THSD4: variants seen among roughly 807,000 people sequenced by gnomAD.
THSD4 encodes thrombospondin type 1 domain containing 4.
A neutral mutation model predicts 119.0 loss-of-function variants in THSD4; 69 were observed. The ratio of observed to expected loss-of-function variants is 0.58; its 90% CI spans 0.48 to 0.71. THSD4 has a LOEUF of 0.71. Ranked by LOEUF, THSD4 falls within the 30% of genes least tolerant of loss-of-function variation. The pLI is 0.00. For synonymous variants in THSD4, 524 were observed against 540.4 expected, an observed-to-expected ratio of 0.97 and a Z score of 0.42; for missense variants, 1,393 against 1,391.1, an observed-to-expected ratio of 1.00 and a Z score of -0.02.
At chr15:71,581,903 T>A (rs1167000242) in intron 7 of THSD4, among the ~76,000 whole-genome samples, 1 of 152,200 alleles carries the variant, frequency 6.6e-6, no homozygotes, top group East Asian at 1.9e-4. Flanking sequence ...CCATACTGTT[T>A]TGATTACTGT....
chr15:71,357,877 C>T (rs1206794606), intron 6 of THSD4, among the ~76,000 whole-genome samples: 1 of 152,174 alleles, frequency 6.6e-6, no homozygotes, highest in Admixed American at 6.5e-5. Flanking sequence ...CTACCAACTG[C>T]CTTACTTATT....
intron 7 of THSD4, among the ~76,000 whole-genome samples, chr15:71,493,908 G>T (rs1266831860): frequency 6.6e-6 from 1 of 152,206 alleles, no homozygotes; most frequent in East Asian, 1.9e-4. Flanking sequence ...ATCAGAGGTT[G>T]CGCTGCATGT....
chr15:71,477,915 C>T (rs995246293), intron 7 of THSD4, among the ~76,000 whole-genome samples: 2 of 152,140 alleles, frequency 1.3e-5, no homozygotes, highest in South Asian at 2.1e-4. Context: ...AAATCTGGCA[C>T]GATGTAGCAG....
chr15:71,626,001 A>T (rs962293918), intron 7 of THSD4, among the ~76,000 whole-genome samples: 2 of 152,182 alleles, frequency 1.3e-5, no homozygotes, highest in Non-Finnish European at 2.9e-5. Flanking sequence ...AGTTATTTAG[A>T]TCTTCTTTTA....
At chr15:71,554,555 A>T (rs2048988756) in intron 7 of THSD4, among the ~76,000 whole-genome samples, 1 of 151,956 alleles carries the variant, frequency 6.6e-6, no homozygotes, top group Non-Finnish European at 1.5e-5. Context: ...TGCCTGGCTA[A>T]TTTTTTACTT....
chr15:71,309,926 C>T (rs1039892993), intron 6 of THSD4, among the ~76,000 whole-genome samples: 1 of 152,196 alleles, frequency 6.6e-6, no homozygotes, highest in Non-Finnish European at 1.5e-5. Context: ...TCCTCCCTAC[C>T]TCATGTACTC....
chr15:71,749,624 G>A (rs2053406374), intron 14 of THSD4, among the ~76,000 whole-genome samples: 1 of 151,730 alleles, frequency 6.6e-6, no homozygotes, highest in African/African-American at 2.4e-5. Context: ...GTCTGAGGCA[G>A]CAGGTGTGGG....
chr15:71,227,827 A>G lies in THSD4; in HGVS notation c.464+12428A>G, dbSNP rs774642733. 3.0e-4 allele frequency among the ~76,000 whole-genome samples: 45 copies of G among 152,164 alleles called. 2 individuals are homozygous for G. Among genetic ancestry groups the G allele is most frequent in the Admixed American group, 1.8e-3 (28 of 15,288 alleles). On this transcript the variant is annotated intron_variant, in intron 4 of 17. Transcript: ENST00000261862. Reference sequence around the variant, plus strand: ...CCGCTGTGGTTGACCTGTAATACACATGGCCTGCCTGTTGGTTCTCAGGAT... The same window carrying G: ...CCGCTGTGGTTGACCTGTAATACACGTGGCCTGCCTGTTGGTTCTCAGGAT...
At chr15:71,547,658 G>T in intron 7 of THSD4, 1 of 723,824 alleles carries the variant, frequency 1.4e-6, no homozygotes. Flanking sequence ...TTTTCTTCTT[G>T]AAGAATTTTA....
At chr15:71,306,307 CAAAAAAAAAAAAAAAAAAAAA>C (rs67260180) in intron 6 of THSD4, among the ~76,000 whole-genome samples, 8 of 62,936 alleles carry the variant, frequency 1.3e-4, no homozygotes, top group South Asian at 1.7e-3. Flanking sequence ...ACTCTTGCCT[CAAAAAAAAAAAAAAAAAAAAA>C]AAAAAAAAAA....
intron 6 of THSD4, among the ~76,000 whole-genome samples, chr15:71,390,161 A>G (rs1421443093): frequency 6.6e-6 from 1 of 152,128 alleles, no homozygotes; most frequent in African/African-American, 2.4e-5. Flanking sequence ...ATAAATAGAA[A>G]CAAAGCAGGA....
intron 15 of THSD4, among the ~76,000 whole-genome samples, chr15:71,763,735 G>A (rs1292962369): frequency 2.0e-5 from 3 of 151,636 alleles, no homozygotes; most frequent in Non-Finnish European, 4.4e-5. Flanking sequence ...GTGAGCCACC[G>A]CGCCTGGCCC....
At position 71,682,616 on chromosome 15, in the gene THSD4, T is replaced by C. The variant is rs116957148; in HGVS notation, c.1357+21882T>C. 4.4e-3 allele frequency among the ~76,000 whole-genome samples: 659 copies of C among 151,094 alleles called. 6 individuals are homozygous for C. Among genetic ancestry groups the C allele is most frequent in the Non-Finnish European group, 5.8e-3 (394 of 67,872 alleles). On this transcript the variant is annotated intron_variant, in intron 8 of 17. Coordinates refer to ENST00000261862, the MANE Select transcript of THSD4 (RefSeq NM_024817.3). ...AACATTTTTAACATTTACCTTGGAG[T>C]AGAGTATAAAATGAGAAGGTAGATT...
chr15:71,275,847 A>G (rs1018200436), intron 6 of THSD4, among the ~76,000 whole-genome samples: 9 of 152,102 alleles, frequency 5.9e-5, no homozygotes, highest in African/African-American at 1.9e-4. Context: ...CCGTGTGAGG[A>G]GGGCTGTGTT....
intron 6 of THSD4, among the ~76,000 whole-genome samples, chr15:71,292,357 GTGTAGTT>G (rs2044802840): frequency 1.3e-5 from 2 of 152,086 alleles, no homozygotes; most frequent in African/African-American, 4.8e-5. Context: ...ACTCATGCTT[GTGTAGTT>G]TCTTCCAATA....
Position 71,780,860 on chromosome 15 carries a change from G to C in THSD4, c.*3486G>C. The C allele has an allele frequency of 2.2e-6, 1 of 451,106 alleles. No individual in the cohort carries two copies. The highest frequency in any genetic ancestry group is 4.4e-6 in the Non-Finnish European group (1 of 225,114). 27.9% of individuals were successfully genotyped at this position (451,106 alleles called of 1,614,324 possible). A position where few individuals can be genotyped will look rare whatever the true frequency, so the allele number is the denominator to read the frequency against. On this transcript the variant is annotated 3_prime_UTR_variant, in exon 18 of 18. Transcript: ENST00000261862. ...AATGGCCTTACAAAGGGACAGAAAAGAGAAGACACGAGCTTGGTGTATTTT... is the reference window on the plus strand; with the variant it reads ...AATGGCCTTACAAAGGGACAGAAAACAGAAGACACGAGCTTGGTGTATTTT...
intron 6 of THSD4, among the ~76,000 whole-genome samples, chr15:71,303,746 G>C (rs571569236): frequency 6.6e-6 from 1 of 152,244 alleles, no homozygotes. Context: ...TTCCTGGTGC[G>C]CTGGATTAGT....
In THSD4 at chr15:71,156,024, C is replaced by A. The variant is rs188655004; in HGVS notation, c.99+1092C>A. Among the ~76,000 whole-genome samples the A allele has an allele frequency of 3.3e-3, 505 of 152,256 alleles. 4 individuals are homozygous for A. The highest frequency in any genetic ancestry group is 0.012 in the African/African-American group (479 of 41,552). On this transcript the variant is annotated intron_variant, in intron 3 of 17. Transcript: ENST00000261862. ...CTTTGTGTGTTTTATAGTAAATGAA[C>A]CATCCACCATTGCCTGAACAAGCCT...
intron 15 of THSD4, 22 bp downstream of exon 15, chr15:71,758,097 T>C (rs924555): frequency 0.091 from 139,480 of 1,537,834 alleles, 16,747 homozygotes; most frequent in African/African-American, 0.56. Context: ...GAACTGGGTA[T>C]GTCTGCCTGT....
Sources: allele counts gnomAD v4.1 joint callset (sites outside exome capture counted in the v4.1 genomes callset), GRCh38; gene constraint gnomAD v4.1.1; transcripts MANE v1.5; gene names NCBI Gene and HGNC (gene_info 2026-07-23, HGNC 2026-07-21).